DOT1L: variants seen among roughly 807,000 people sequenced by gnomAD.
The protein encoded by DOT1L is DOT1 like histone lysine methyltransferase, also known as histone-lysine N-methyltransferase, H3 lysine-79 specific.
DOT1L carries 33 observed loss-of-function variants against 153.3 expected under a neutral mutation model. That is an observed-to-expected ratio of 0.22 (90% CI 0.16 to 0.29). The LOEUF (loss-of-function observed/expected upper bound fraction) is 0.29, where lower values mean the gene tolerates loss of function less well. Ranked by LOEUF, DOT1L falls within the 10% of genes least tolerant of loss-of-function variation. DOT1L has a pLI of 1.00. For missense variants in DOT1L, 1,847 were observed against 2,119.9 expected, an observed-to-expected ratio of 0.87 and a Z score of 2.53; for synonymous variants, 1,135 against 965.1, an observed-to-expected ratio of 1.18 and a Z score of -3.26.
intron 22 of DOT1L, among the ~76,000 whole-genome samples, chr19:2,218,399 T>A (rs1204378192): frequency 6.6e-6 from 1 of 152,258 alleles, no homozygotes; most frequent in Non-Finnish European, 1.5e-5. Context: ...TTTTATTTTT[T>A]ATTTTTATTT....
In DOT1L at chr19:2,177,824, C is replaced by T. The variant is rs553117062; in HGVS notation, c.82-2889C>T. Reference sequence around the variant, plus strand: ...CTGCCCAGATTGGAGTGCAGTGGTGCGACCTTGGCTCACTGCAAGCTCTGC... The same window carrying T: ...CTGCCCAGATTGGAGTGCAGTGGTGTGACCTTGGCTCACTGCAAGCTCTGC... On this transcript the variant is annotated intron_variant, in intron 1 of 27. Coordinates refer to ENST00000398665, the MANE Select transcript of DOT1L (RefSeq NM_032482.3). Among the ~76,000 whole-genome samples, 12 of 152,040 alleles carry T rather than the reference C, an allele frequency of 7.9e-5. No individual in the cohort carries two copies. In the South Asian group the frequency reaches 1.0e-3, roughly 13 times the overall value.
intron 27 of DOT1L, chr19:2,227,642 G>C: frequency 8.1e-7 from 1 of 1,239,514 alleles, no homozygotes; most frequent in African/African-American, 1.6e-5. Context: ...TGGCGGCGCC[G>C]TTTCGCTTCC....
chr19:2,216,089 C>G, intron 19 of DOT1L, 192 bp from the exon 20 acceptor site: 1 of 677,244 alleles, frequency 1.5e-6, no homozygotes, highest in Non-Finnish European at 2.4e-6. Flanking sequence ...CCATCCTCGG[C>G]CCTCCACATG....
chr19:2,222,482 C>T lies in DOT1L; in HGVS notation c.3313C>T (p.Pro1105Ser). The change falls in exon 24 of 28, where the codon CCC becomes TCC. Residue 1105 changes from proline (P) to serine (S), a missense_variant. Coordinates refer to ENST00000398665, the MANE Select transcript of DOT1L (RefSeq NM_032482.3). This position sits in a 1 kb window ranked among gnomAD's most constrained non-coding sequence, Gnocchi z 6.5. ...GCCCAGCTTGAGCGCAGGCGTGTCC[C>T]CCAAGCGCCGAGCCCTGCCGTCCGT... is the stretch of plus-strand genomic sequence containing the variant. ...GTPSLSAGVSPKRRALPSVAG... is the reference protein window; with the variant it reads ...GTPSLSAGVSSKRRALPSVAG... 1 of 1,597,544 alleles carries T rather than the reference C, an allele frequency of 6.3e-7. No individual in the cohort carries two copies. The highest frequency in any genetic ancestry group is 8.5e-7 in the Non-Finnish European group (1 of 1,174,588).
intron 9 of DOT1L, among the ~76,000 whole-genome samples, chr19:2,206,000 T>G (rs1189777342): frequency 6.8e-6 from 1 of 147,520 alleles, no homozygotes; most frequent in African/African-American, 2.5e-5. Flanking sequence ...GCGTAGTGGG[T>G]TTTTTTTTTC....
intron 1 of DOT1L, among the ~76,000 whole-genome samples, chr19:2,170,932 G>A (rs942976062): frequency 6.6e-6 from 1 of 152,110 alleles, no homozygotes; most frequent in Admixed American, 6.6e-5. Flanking sequence ...CCCCCTCCAA[G>A]AGTCTCCCAG....
intron 1 of DOT1L, among the ~76,000 whole-genome samples, chr19:2,166,979 C>T (rs556830509): frequency 6.6e-6 from 1 of 152,196 alleles, no homozygotes; most frequent in African/African-American, 2.4e-5. Flanking sequence ...CCCTTTGGTC[C>T]TGGTGGCTTT....
At chr19:2,201,765 G>A (rs1302503529) in intron 8 of DOT1L, among the ~76,000 whole-genome samples, 2 of 152,178 alleles carry the variant, frequency 1.3e-5, no homozygotes, top group Non-Finnish European at 2.9e-5. Flanking sequence ...ATCTGGGCTC[G>A]GCCCAGGCTC....
At chr19:2,194,018 G>A (rs996037271) in intron 6 of DOT1L, among the ~76,000 whole-genome samples, 10 of 152,192 alleles carry the variant, frequency 6.6e-5, no homozygotes, top group Middle Eastern at 3.2e-3. Context: ...GGGGTGTCTC[G>A]GAGCCTGTTT....
intron 1 of DOT1L, among the ~76,000 whole-genome samples, chr19:2,165,408 G>A (rs1568321306): frequency 6.6e-6 from 1 of 152,214 alleles, no homozygotes; most frequent in African/African-American, 2.4e-5. Flanking sequence ...ATGGGAGAGG[G>A]AGCGCAGCTT....
In DOT1L at chr19:2,222,577, C is replaced by A; in HGVS notation, c.3390+18C>A. ...ACTCCATGGTAAGGATGGGGACCGG[C>A]AGGGCTGGGGAGCGCGGCCTGTGAA... On this transcript the variant is annotated intron_variant, in intron 24 of 27. Coordinates refer to ENST00000398665, the MANE Select transcript of DOT1L (RefSeq NM_032482.3). This position sits in a 1 kb window ranked among gnomAD's most constrained non-coding sequence, Gnocchi z 6.5. 1 of 1,527,854 alleles carries A rather than the reference C, an allele frequency of 6.5e-7. No homozygotes were observed. The highest frequency in any genetic ancestry group is 1.4e-5 in the African/African-American group (1 of 73,194). 94.6% of individuals were successfully genotyped at this position (1,527,854 alleles called of 1,614,324 possible).
At chr19:2,195,636 C>T (rs1387352405) in intron 7 of DOT1L, among the ~76,000 whole-genome samples, 2 of 152,084 alleles carry the variant, frequency 1.3e-5, no homozygotes, top group African/African-American at 2.4e-5. Flanking sequence ...CCCTTGAGTC[C>T]TGAGAAGCTT....
At chr19:2,221,599 G>A (rs967770525) in intron 23 of DOT1L, 8 of 252,576 alleles carry the variant, frequency 3.2e-5, no homozygotes, top group Middle Eastern at 1.2e-3. Flanking sequence ...AGGAGGGAGG[G>A]AGGCCACGCA....
At chr19:2,200,351 C>T (rs983851792) in intron 8 of DOT1L, among the ~76,000 whole-genome samples, 20 of 152,302 alleles carry the variant, frequency 1.3e-4, no homozygotes, top group African/African-American at 4.1e-4. Context: ...AGCGGCCCCT[C>T]GTGGTCCCAA....
rs374013420 is a variant in DOT1L at position 2,191,083 on chromosome 19, G to A, written c.336G>A (p.Gln112=). The change falls in exon 5 of 28, where the codon CAG becomes CAA. Residue 112 remains glutamine (Q), a synonymous_variant. Transcript: ENST00000398665. This position sits in a 1 kb window ranked among gnomAD's most constrained non-coding sequence, Gnocchi z 6.8. ...CTGGACTCCTGCGCCATATCCTGCA[G>A]CAGGTCTACAACCACTCGGTGACCG... The part of the protein sequence containing the change: ...PSTGLLRHIL[Q]QVYNHSVTDP... The A allele has an allele frequency of 1.3e-4, 203 of 1,613,054 alleles. No individual in the cohort carries two copies. Among genetic ancestry groups the A allele is most frequent in the East Asian group, 1.0e-3 (45 of 44,866 alleles).
chr19:2,193,590 C>A lies in DOT1L; in HGVS notation c.494-99C>A, dbSNP rs909088797. 4 of 1,162,680 alleles carry A rather than the reference C, an allele frequency of 3.4e-6. No homozygotes were observed. Among genetic ancestry groups the A allele is most frequent in the Non-Finnish European group, 5.0e-6 (4 of 797,828 alleles). The allele number at this position is 1,162,680 out of a possible 1,614,324, so 72.0% of individuals were successfully genotyped here. On this transcript the variant is annotated intron_variant, in intron 5 of 27. Coordinates refer to ENST00000398665, the MANE Select transcript of DOT1L (RefSeq NM_032482.3). The surrounding 1 kb of genome is among the most constrained non-coding windows in gnomAD (Gnocchi z 5.9). ...GACTGTGGCCTCCCCTGTGGGTCTT[C>A]ATGGCCGCATTCTTGTGGCCTCTGT...
At chr19:2,180,976 G>T (rs1285758153) in intron 2 of DOT1L, among the ~76,000 whole-genome samples, 1 of 152,210 alleles carries the variant, frequency 6.6e-6, no homozygotes, top group East Asian at 1.9e-4. Context: ...GGGGTGTCCA[G>T]TGGGTCCTCC....
At chr19:2,178,969 A>C (rs1196324217) in intron 1 of DOT1L, among the ~76,000 whole-genome samples, 3 of 152,118 alleles carry the variant, frequency 2.0e-5, no homozygotes, top group Non-Finnish European at 4.4e-5. Context: ...AGGTGGACGG[A>C]GCTGTGGCCT....
chr19:2,232,206 T>C lies in DOT1L; in HGVS notation c.*2414T>C. 4.5e-6 allele frequency: 1 copy of C among 222,294 alleles called. No individual in the cohort carries two copies. Among genetic ancestry groups the C allele is most frequent in the Non-Finnish European group, 9.0e-6 (1 of 111,328 alleles). 13.8% of individuals were successfully genotyped at this position (222,294 alleles called of 1,614,324 possible). A position where few individuals can be genotyped will look rare whatever the true frequency, so the allele number is the denominator to read the frequency against. On this transcript the variant is annotated 3_prime_UTR_variant, in exon 28 of 28. Coordinates refer to ENST00000398665, the MANE Select transcript of DOT1L (RefSeq NM_032482.3). ...CTGGGAGTGGCTCTTGCTCAGGAAT[T>C]GATAGGAACCCTAAAAACTAGGATA...
Sources: gnomAD v4.1 joint callset for allele counts (sites outside exome capture counted in the v4.1 genomes callset) on GRCh38, gnomAD v4.1.1 for gene constraint, Gnocchi (gnomAD v3.1) non-coding constraint, MANE v1.5 for transcripts, NCBI Gene and HGNC (gene_info 2026-07-23, HGNC 2026-07-21) for gene names.